Variants in AGBL2 observed in about 807,000 individuals in gnomAD.
AGBL2 encodes the protein cytosolic carboxypeptidase 2.
A neutral mutation model predicts 103.0 loss-of-function variants in AGBL2; 87 were observed. That is an observed-to-expected ratio of 0.84 (90% confidence interval 0.71 to 1.01). The LOEUF (loss-of-function observed/expected upper bound fraction) is 1.01, where lower values mean the gene tolerates loss of function less well. Among genes scored for constraint, AGBL2 ranks in the 50% least tolerant of loss-of-function variants. The probability of loss-of-function intolerance (pLI) is 0.00; values close to 1 mark genes in which losing one functional copy is unlikely to be tolerated. For synonymous variants in AGBL2, 335 were observed against 356.7 expected (o/e 0.94, Z 0.69); for missense variants, 904 against 1,023.5 (o/e 0.88, Z 1.59).
intron 7 of AGBL2, 40 bp downstream of exon 7, chr11:47,704,499 AAGTC>A (rs1245769355): frequency 5.4e-6 from 8 of 1,479,568 alleles, no homozygotes; most frequent in Non-Finnish European, 7.3e-6. Flanking sequence ...AAAAAAAAAA[AAGTC>A]AGGCAGAATA....
At chr11:47,676,648 T>C (rs1285204695) in intron 14 of AGBL2, among the ~76,000 whole-genome samples, 2 of 151,862 alleles carry the variant, frequency 1.3e-5, no homozygotes, top group Admixed American at 1.3e-4. Context: ...TGAAACCCCA[T>C]CTCTACTAAA....
chr11:47,708,591 GGGTCGCGA>G (rs2097528103), intron 4 of AGBL2, among the ~76,000 whole-genome samples: 1 of 148,170 alleles, frequency 6.7e-6, no homozygotes, highest in Non-Finnish European at 1.5e-5. Context: ...CAAGGCAGGC[GGGTCGCGA>G]GGTCAAGAGA....
At chr11:47,704,929 G>C (rs557413198) in intron 6 of AGBL2, among the ~76,000 whole-genome samples, 1 of 152,158 alleles carries the variant, frequency 6.6e-6, no homozygotes, top group Non-Finnish European at 1.5e-5. Flanking sequence ...ATTCTGCACA[G>C]TCTATTAAAT....
chr11:47,678,343 A>ATTTTTTTTT (rs1440515781), intron 13 of AGBL2, among the ~76,000 whole-genome samples: 8 of 116,852 alleles, frequency 6.8e-5, no homozygotes, highest in South Asian at 3.6e-4. Flanking sequence ...TTATTATTTT[A>ATTTTTTTTT]TTTTTTTTGA....
At chr11:47,664,020 A>G (rs1420868839) in intron 17 of AGBL2, among the ~76,000 whole-genome samples, 1 of 149,954 alleles carries the variant, frequency 6.7e-6, no homozygotes, top group African/African-American at 2.5e-5. Context: ...ACGCCTGGCT[A>G]ATTTTTATAT....
At chr11:47,661,263 C>G (rs2097327276) in intron 18 of AGBL2, among the ~76,000 whole-genome samples, 1 of 152,150 alleles carries the variant, frequency 6.6e-6, no homozygotes, top group South Asian at 2.1e-4. Context: ...TTATATGTTA[C>G]AACCTAATTA....
In AGBL2 at chr11:47,694,875, G is replaced by A. The variant is rs140801130; in HGVS notation, c.695-2619C>T. On this transcript the variant is annotated intron_variant, in intron 8 of 18. Coordinates refer to ENST00000525123, the MANE Select transcript of AGBL2 (RefSeq NM_024783.4). ...ACAAAAATGGCACAACAGGCCAGGCGTGGTGGCTCATGCCTGTAATCCCAG... is the reference window on the plus strand; with the variant it reads ...ACAAAAATGGCACAACAGGCCAGGCATGGTGGCTCATGCCTGTAATCCCAG... 6.0e-3 allele frequency among the ~76,000 whole-genome samples: 916 copies of A among 152,296 alleles called. 10 individuals carry two copies. Among genetic ancestry groups the A allele is most frequent in the African/African-American group, 0.021 (886 of 41,562 alleles).
rs762925115 is a variant in AGBL2 at position 47,704,774 on chromosome 11, TG to T, written c.401-47del. 7.8e-6 allele frequency: 12 copies of T among 1,534,312 alleles called. No homozygotes were observed. The South Asian group carries it at 1.4e-4, about 18-fold the overall frequency. ...AAGTGAACATCTTCCTTTTCCTCCT[TG>T]GGAACTTTACTGCTCATCTATAACA... On this transcript the variant is annotated intron_variant, in intron 6 of 18. Coordinates refer to ENST00000525123, the MANE Select transcript of AGBL2 (RefSeq NM_024783.4).
chr11:47,704,429 G>A (rs898019214), intron 7 of AGBL2, 114 bp downstream of exon 7: 73 of 853,904 alleles, frequency 8.5e-5, no homozygotes, highest in Middle Eastern at 3.5e-4. Flanking sequence ...GTTGCAGTGA[G>A]CTGAGATTGC....
At chr11:47,701,469 CA>C (rs11327584) in intron 7 of AGBL2, among the ~76,000 whole-genome samples, 39,908 of 94,462 alleles carry the variant, frequency 0.42, 5,888 homozygotes, top group East Asian at 0.5. Context: ...GACTCCGTCT[CA>C]AAAAAAAAAA....
intron 14 of AGBL2, among the ~76,000 whole-genome samples, chr11:47,677,068 C>G (rs1464680104): frequency 6.6e-6 from 1 of 152,096 alleles, no homozygotes; most frequent in Non-Finnish European, 1.5e-5. Flanking sequence ...AGTGCAGTGG[C>G]ATGATCTTGG....
At chr11:47,675,375 G>GTT (rs34044161) in intron 14 of AGBL2, among the ~76,000 whole-genome samples, 1,805 of 55,122 alleles carry the variant, frequency 0.033, 377 homozygotes, top group Non-Finnish European at 0.038. Flanking sequence ...CCCCTGCTAA[G>GTT]TTTTTTTTTT....
At position 47,682,003 on chromosome 11, in the gene AGBL2, G is replaced by A; in HGVS notation, c.1881C>T (p.Tyr627=). ...VMWRMGILNS[Y]TMESTFGGST... is the part of the protein sequence containing the mutation. The stretch of plus-strand genomic sequence containing the variant: ...ACCCGCCAAAGGTAGACTCCATGGT[G>A]TAGCTGTTTAGGATTCCCATCCGCC... Residue 627 remains tyrosine (Y), a synonymous_variant, in exon 12 of 19, where the codon TAC becomes TAT. Transcript: ENST00000525123. 1 of 1,614,108 alleles carries A rather than the reference G, an allele frequency of 6.2e-7. No individual in the cohort carries two copies. Among genetic ancestry groups the A allele is most frequent in the East Asian group, 2.2e-5 (1 of 44,882 alleles).
intron 3 of AGBL2, among the ~76,000 whole-genome samples, chr11:47,713,433 G>C (rs2097541338): frequency 6.7e-6 from 1 of 150,014 alleles, no homozygotes; most frequent in African/African-American, 2.4e-5. Context: ...GCTGAGGCAG[G>C]AGAATCTCTT....
rs767859236 is a variant in AGBL2, at chr11:47,690,830, G to T, written c.877C>A (p.Arg293=). 2.5e-6 allele frequency: 4 copies of T among 1,611,878 alleles called. No individual in the cohort carries two copies. The highest frequency in any genetic ancestry group is 1.3e-5 in the African/African-American group (1 of 74,912). Residue 293 remains arginine (R), a synonymous_variant, in exon 10 of 19, where the codon CGA becomes AGA. Coordinates refer to ENST00000525123, the MANE Select transcript of AGBL2 (RefSeq NM_024783.4). ...TGTTTGTTAGTGTAGAGGTCAGTTCGCAAGGTGAGTTCATACTCATAGGTG... is the reference window on the plus strand; with the variant it reads ...TGTTTGTTAGTGTAGAGGTCAGTTCTCAAGGTGAGTTCATACTCATAGGTG... ...VDTYEYELTL[R]TDLYTNKHTQ... is the part of the protein sequence containing the mutation.
intron 7 of AGBL2, among the ~76,000 whole-genome samples, chr11:47,701,811 A>T (rs2097500191): frequency 6.6e-6 from 1 of 151,906 alleles, no homozygotes; most frequent in African/African-American, 2.4e-5. Context: ...CGTCTCTACC[A>T]AAAATATAAA....
At chr11:47,700,888 C>T (rs2097496023) in intron 7 of AGBL2, among the ~76,000 whole-genome samples, 2 of 151,452 alleles carry the variant, frequency 1.3e-5, no homozygotes, top group Admixed American at 1.3e-4. Flanking sequence ...GGTGAAACCC[C>T]GTCTCTATTA....
intron 9 of AGBL2, among the ~76,000 whole-genome samples, chr11:47,691,791 T>A (rs2153804345): frequency 8.5e-6 from 1 of 117,910 alleles, no homozygotes; most frequent in Non-Finnish European, 1.7e-5. Context: ...CACAGAAAAA[T>A]ATTAAGGCAT....
In AGBL2 at chr11:47,705,636, T is replaced by C; in HGVS notation, c.287-2A>G. ...TCCAGCCCAGGCAAGAGTGAAAGTC[T>C]GTGTCAAAAAAAAAAAAAAAAGAAA... is the stretch of plus-strand genomic sequence containing the variant. On this transcript the variant is annotated splice_acceptor_variant, in intron 5 of 18. Transcript: ENST00000525123. LOFTEE classifies it high-confidence loss of function. 1 of 498,048 alleles carries C rather than the reference T, an allele frequency of 2.0e-6. No homozygotes were observed. Among genetic ancestry groups the C allele is most frequent in the Non-Finnish European group, 3.5e-6 (1 of 289,386 alleles). The allele number at this position is 498,048 out of a possible 1,614,324, so 30.9% of individuals were successfully genotyped here. A position where few individuals can be genotyped will look rare whatever the true frequency, so the allele number is the denominator to read the frequency against.
Sources: allele counts gnomAD v4.1 joint callset (sites outside exome capture counted in the v4.1 genomes callset), GRCh38; gene constraint gnomAD v4.1.1; transcripts MANE v1.5; gene names NCBI Gene and HGNC (gene_info 2026-07-23, HGNC 2026-07-21).